NDUFA10: variants seen among roughly 807,000 people sequenced by gnomAD.
NDUFA10 encodes the protein NADH dehydrogenase [ubiquinone] 1 alpha subcomplex subunit 10, mitochondrial.
Under a neutral mutation model 47.8 loss-of-function variants are expected in NDUFA10, and 40 were observed. That is an observed-to-expected ratio of 0.84 (90% CI 0.65 to 1.09). NDUFA10 has a LOEUF of 1.09. NDUFA10 is among the 50% of genes least tolerant of loss of function. The pLI is 0.00. For synonymous variants in NDUFA10, 183 were observed against 172.2 expected, an observed-to-expected ratio of 1.06 and a Z score of -0.49; for missense variants, 413 against 451.1, an observed-to-expected ratio of 0.92 and a Z score of 0.76.
At position 240,018,619 on chromosome 2, in the gene NDUFA10, G is replaced by A. The variant is rs748559620; in HGVS notation, c.481C>T (p.Arg161Cys). The change falls in exon 4 of 10, where the codon CGC (arginine) becomes TGC (cysteine). Residue 161 changes from arginine to cysteine, a missense_variant. By Grantham distance (180) the Arg-to-Cys change is radical. Transcript: ENST00000252711. Reference protein sequence around the residue: ...LTTGQGVVLERSIFSDFVFLE... With the variant: ...LTTGQGVVLECSIFSDFVFLE... Reference sequence around the variant, plus strand: ...AACACAAAGTCACTGAAGATGGAGCGCTCCAACACAACACCTTGTCCTGTT... The same window carrying A: ...AACACAAAGTCACTGAAGATGGAGCACTCCAACACAACACCTTGTCCTGTT... The A allele has an allele frequency of 5.6e-6, 9 of 1,614,036 alleles. No homozygotes were observed. The highest frequency in any genetic ancestry group is 4.0e-5 in the African/African-American group (3 of 74,896).
At chr2:239,929,323 G>A (rs999793518) in intron 4 of NDUFA10, among the ~76,000 whole-genome samples, 13 of 152,292 alleles carry the variant, frequency 8.5e-5, no homozygotes, top group African/African-American at 1.4e-4. Flanking sequence ...CTGAGTTGTC[G>A]AAGGTGGTTG....
rs1459283904 is a variant in NDUFA10 at position 239,895,233 on chromosome 2, C to A, written c.376G>T (p.Gly126Ter). ...TTCCCAGGCACTTAGGAGTCTTCTCCACACACAGACCATTCTGAGAACAGG... is the reference window on the plus strand; with the variant it reads ...TTCCCAGGCACTTAGGAGTCTTCTCAACACACAGACCATTCTGAGAACAGG... Residue 126 changes from glycine to a stop codon, truncating the protein, a stop_gained, in exon 5 of 6, where the codon GGA becomes TGA. Transcript: ENST00000419408. LOFTEE classifies it high-confidence loss of function. 2.1e-6 allele frequency: 1 copy of A among 468,136 alleles called. No homozygotes were observed. Among genetic ancestry groups the A allele is most frequent in the Non-Finnish European group, 4.4e-6 (1 of 225,494 alleles). 29.0% of individuals were successfully genotyped at this position (468,136 alleles called of 1,614,324 possible). A position where few individuals can be genotyped will look rare whatever the true frequency, so the allele number is the denominator to read the frequency against.
chr2:239,908,178 A>T (rs1693689128), intron 4 of NDUFA10, among the ~76,000 whole-genome samples: 1 of 151,424 alleles, frequency 6.6e-6, no homozygotes, highest in South Asian at 2.1e-4. Context: ...GTTCTCACTC[A>T]TAGGTGGGAA....
intron 4 of NDUFA10, among the ~76,000 whole-genome samples, chr2:239,931,916 AG>A (rs1229837255): frequency 1.4e-5 from 2 of 143,404 alleles, no homozygotes; most frequent in East Asian, 4.4e-4. Context: ...GCTCACTGCA[AG>A]CTCCGCCTCC....
chr2:239,915,605 C>G (rs1211978336), intron 4 of NDUFA10, among the ~76,000 whole-genome samples: 1 of 150,940 alleles, frequency 6.6e-6, no homozygotes, highest in Non-Finnish European at 1.5e-5. Flanking sequence ...CACATACACA[C>G]ACACACACAT....
At chr2:239,922,031 T>C (rs888529822) in intron 4 of NDUFA10, among the ~76,000 whole-genome samples, 7,350 of 132,694 alleles carry the variant, frequency 0.055, 247 homozygotes, top group East Asian at 0.092. Context: ...CTTCCTTCTT[T>C]CCTTCCTTCC....
At chr2:240,006,522 A>G (rs1696954593) in intron 7 of NDUFA10, among the ~76,000 whole-genome samples, 1 of 152,156 alleles carries the variant, frequency 6.6e-6, no homozygotes, top group African/African-American at 2.4e-5. Context: ...CACCACTCAC[A>G]CTTCAAGACC....
chr2:239,956,412 A>G (rs928919147), downstream of NDUFA10, among the ~76,000 whole-genome samples: 2 of 152,148 alleles, frequency 1.3e-5, no homozygotes, highest in African/African-American at 4.8e-5. Context: ...GGGCCTGAGC[A>G]CGTGGGGTCC....
intron 4 of NDUFA10, among the ~76,000 whole-genome samples, chr2:239,919,926 C>T (rs980489937): frequency 3.3e-5 from 5 of 152,208 alleles, no homozygotes; most frequent in South Asian, 2.1e-4. Flanking sequence ...CCCCTGCCTA[C>T]GCCAGTCCTT....
Position 239,959,042 on chromosome 2 carries a change from G to A in NDUFA10, c.*2076C>T. On this transcript the variant is annotated 3_prime_UTR_variant, in exon 10 of 10. Transcript: ENST00000252711. ...CCTCACCTCTTCTTGAGGCTTCTAT[G>A]TGGAGAGAAGAATTGGACAGTGTTT... The A allele has an allele frequency of 1.0e-6, 1 of 985,474 alleles. No individual in the cohort carries two copies. Among genetic ancestry groups the A allele is most frequent in the Non-Finnish European group, 1.2e-6 (1 of 829,942 alleles). The allele number at this position is 985,474 out of a possible 1,614,324, so 61.0% of individuals were successfully genotyped here. A position where few individuals can be genotyped will look rare whatever the true frequency, so the allele number is the denominator to read the frequency against.
chr2:239,897,432 C>T (rs1018136527), intron 4 of NDUFA10, among the ~76,000 whole-genome samples: 4 of 151,898 alleles, frequency 2.6e-5, no homozygotes, highest in Admixed American at 6.6e-5. Flanking sequence ...TTAACATGCA[C>T]GTACCACACA....
chr2:239,969,989 CCAAA>C (rs1230781175), intron 9 of NDUFA10, among the ~76,000 whole-genome samples: 1 of 152,186 alleles, frequency 6.6e-6, no homozygotes, highest in African/African-American at 2.4e-5. Flanking sequence ...GAAATGATAA[CCAAA>C]CACTTTCCAT....
rs140140291 is a variant in NDUFA10 at position 240,007,609 on chromosome 2, G to A, written c.750-239C>T. On this transcript the variant is annotated intron_variant, in intron 6 of 9. Coordinates refer to ENST00000252711, the MANE Select transcript of NDUFA10 (RefSeq NM_004544.4). ...GTGACAACAGCAGGACCATTTCCTC[G>A]TTTCCCTTCTCCTGACTACACTGCC... is the stretch of plus-strand genomic sequence containing the variant. Among the ~76,000 whole-genome samples, 431 of 152,238 alleles carry A rather than the reference G, an allele frequency of 2.8e-3. 1 individual carries two copies. The highest frequency in any genetic ancestry group is 6.8e-3 in the Middle Eastern group (2 of 294).
intron 2 of NDUFA10, 74 bp downstream of exon 2, chr2:240,022,098 T>C (rs1472638011): frequency 1.3e-5 from 17 of 1,339,918 alleles, no homozygotes; most frequent in Non-Finnish European, 1.6e-5. Context: ...ATATTAATAT[T>C]GAAGAAAAAC....
intron 5 of NDUFA10, chr2:240,012,709 T>A (rs1323989781): frequency 6.6e-6 from 1 of 152,248 alleles, no homozygotes; most frequent in African/African-American, 2.4e-5. Flanking sequence ...CAAAGAATAT[T>A]TACTGAACAT....
intron 4 of NDUFA10, among the ~76,000 whole-genome samples, chr2:239,941,724 C>CAAA (rs370364666): frequency 5.4e-5 from 6 of 112,094 alleles, no homozygotes; most frequent in Non-Finnish European, 9.3e-5. Flanking sequence ...GACTCTGTCT[C>CAAA]AAAAAAAAAA....
At chr2:239,951,851 C>T (rs970869223) in intron 4 of NDUFA10, among the ~76,000 whole-genome samples, 7 of 152,260 alleles carry the variant, frequency 4.6e-5, no homozygotes, top group African/African-American at 1.7e-4. Flanking sequence ...TCCGGCCTGG[C>T]CATGCCCTGG....
chr2:240,016,355 A>G lies in NDUFA10; in HGVS notation c.548-1495T>C, dbSNP rs1697347027. ...TGCTGCTGAGGTGAAACCTCCCTTC[A>G]CCGAGTCTGCTCTCACCCTGCTTCC... On this transcript the variant is annotated intron_variant, in intron 4 of 9. Coordinates refer to ENST00000252711, the MANE Select transcript of NDUFA10 (RefSeq NM_004544.4). The surrounding 1 kb of genome is among the most constrained non-coding windows in gnomAD (Gnocchi z 4.4). Among the ~76,000 whole-genome samples the G allele has an allele frequency of 6.6e-6, 1 of 151,964 alleles. No individual in the cohort carries two copies. Among genetic ancestry groups the G allele is most frequent in the Non-Finnish European group, 1.5e-5 (1 of 67,962 alleles).
chr2:239,984,758 A>C (rs1695928390), intron 9 of NDUFA10, among the ~76,000 whole-genome samples: 1 of 152,256 alleles, frequency 6.6e-6, no homozygotes, highest in Non-Finnish European at 1.5e-5. Context: ...GGTCCAGAGA[A>C]GAAGCAAACA....
Sources: allele counts gnomAD v4.1 joint callset (sites outside exome capture counted in the v4.1 genomes callset), GRCh38; gene constraint gnomAD v4.1.1; non-coding constraint Gnocchi (gnomAD v3.1); transcripts MANE v1.5; gene names NCBI Gene and HGNC (gene_info 2026-07-23, HGNC 2026-07-21).